The following SLC39A8 variants were observed in gnomAD, a reference collection of about 807,000 sequenced individuals.
SLC39A8 encodes the protein metal cation symporter ZIP8.
A neutral mutation model predicts 40.4 loss-of-function variants in SLC39A8; 15 were observed. The observed-to-expected ratio is 0.37, with a 90% confidence interval of 0.25 to 0.57. The LOEUF (loss-of-function observed/expected upper bound fraction) is 0.57, where lower values mean the gene tolerates loss of function less well. Ranked by LOEUF, SLC39A8 falls within the 20% of genes least tolerant of loss-of-function variation. The probability of loss-of-function intolerance (pLI) is 0.75; values close to 1 mark genes in which losing one functional copy is unlikely to be tolerated. For missense variants in SLC39A8, 472 were observed against 558.8 expected (o/e 0.84, Z 1.57); for synonymous variants, 223 against 221.6 (o/e 1.01, Z -0.06).
At position 102,279,002 on chromosome 4, in the gene SLC39A8, G is replaced by A. The variant is rs572676156; in HGVS notation, c.841-10923C>T. On this transcript the variant is annotated intron_variant, in intron 6 of 8. Transcript: ENST00000356736. Reference sequence around the variant, plus strand: ...ACACACTGGGGCCTGTTAGTGGGGTGGGGGGCAAGGGGAGGGATAGCATTA... The same window carrying A: ...ACACACTGGGGCCTGTTAGTGGGGTAGGGGGCAAGGGGAGGGATAGCATTA... 4.6e-5 allele frequency among the ~76,000 whole-genome samples: 7 copies of A among 152,084 alleles called. No homozygotes were observed. The South Asian group carries it at 1.5e-3, about 32-fold the overall frequency.
At chr4:102,256,873 A>G (rs1206485690), downstream of SLC39A8, among the ~76,000 whole-genome samples, 1 of 152,168 alleles carries the variant, frequency 6.6e-6, no homozygotes, top group Admixed American at 6.5e-5. Context: ...CAAACATGCA[A>G]GTGGGGTGCA....
chr4:102,314,586 C>T (rs1734579649), intron 3 of SLC39A8, among the ~76,000 whole-genome samples: 1 of 152,062 alleles, frequency 6.6e-6, no homozygotes, highest in South Asian at 2.1e-4. Flanking sequence ...TCTTGCTGCT[C>T]CTCACTCATG....
At chr4:102,279,002 G>C (rs572676156) in intron 6 of SLC39A8, among the ~76,000 whole-genome samples, 3 of 151,966 alleles carry the variant, frequency 2.0e-5, no homozygotes, top group East Asian at 3.9e-4. Flanking sequence ...TTAGTGGGGT[G>C]GGGGGCAAGG....
At chr4:102,328,595 T>C (rs1052646395) in intron 2 of SLC39A8, among the ~76,000 whole-genome samples, 1 of 152,256 alleles carries the variant, frequency 6.6e-6, no homozygotes, top group East Asian at 1.9e-4. Context: ...ATTTCATTCA[T>C]TCAACAAATA....
downstream of SLC39A8, among the ~76,000 whole-genome samples, chr4:102,260,365 G>A: frequency 6.6e-6 from 1 of 152,184 alleles, no homozygotes; most frequent in South Asian, 2.1e-4. Flanking sequence ...GATTGGTATG[G>A]CCATGTGACT....
intron 3 of SLC39A8, among the ~76,000 whole-genome samples, chr4:102,310,402 AG>A (rs1276313070): frequency 6.6e-6 from 1 of 152,164 alleles, no homozygotes; most frequent in East Asian, 1.9e-4. Context: ...CTCAATGAGA[AG>A]GGCTATGTTT....
intron 8 of SLC39A8, 84 bp from the exon 9 acceptor site, chr4:102,263,277 C>T: frequency 8.1e-7 from 1 of 1,227,028 alleles, no homozygotes; most frequent in South Asian, 1.3e-5. Context: ...ACCTTGGAGA[C>T]AGTGTGGGTT....
chr4:102,320,211 ATATGTATATATG>A (rs1560560914), intron 2 of SLC39A8, among the ~76,000 whole-genome samples: 1 of 130,886 alleles, frequency 7.6e-6, no homozygotes, highest in Non-Finnish European at 1.6e-5. Flanking sequence ...ATGTATATAT[ATATGTATATATG>A]TATGAGTATA....
At chr4:102,269,004 C>G (rs1732231877) in intron 6 of SLC39A8, among the ~76,000 whole-genome samples, 1 of 152,180 alleles carries the variant, frequency 6.6e-6, no homozygotes, top group Non-Finnish European at 1.5e-5. Context: ...CCTCTCACCT[C>G]TACCTAAGCA....
chr4:102,275,443 A>G (rs1227550262), intron 6 of SLC39A8, among the ~76,000 whole-genome samples: 2 of 152,148 alleles, frequency 1.3e-5, no homozygotes, highest in Admixed American at 6.5e-5. Flanking sequence ...TATACTAAAT[A>G]TATATATGCA....
intron 3 of SLC39A8, among the ~76,000 whole-genome samples, chr4:102,309,527 T>C (rs919094860): frequency 6.6e-6 from 1 of 152,006 alleles, no homozygotes; most frequent in African/African-American, 2.4e-5. Flanking sequence ...CCTTTTATCG[T>C]GGTAGATCTA....
intron 2 of SLC39A8, among the ~76,000 whole-genome samples, chr4:102,327,097 C>T (rs1056586198): frequency 2.0e-5 from 3 of 152,002 alleles, no homozygotes; most frequent in Non-Finnish European, 4.4e-5. Flanking sequence ...GCTTGAATGA[C>T]AAAAATAATT....
intron 6 of SLC39A8, among the ~76,000 whole-genome samples, chr4:102,280,703 C>G (rs1251124411): frequency 6.6e-6 from 1 of 152,172 alleles, no homozygotes; most frequent in South Asian, 2.1e-4. Flanking sequence ...AATGCACTTA[C>G]CTTCCAGTCA....
rs1731882043 is a variant in SLC39A8 at position 102,261,983 on chromosome 4, T to A, written c.*1061A>T. 2.0e-6 allele frequency: 2 copies of A among 985,852 alleles called. No homozygotes were observed. The highest frequency in any genetic ancestry group is 2.4e-6 in the Non-Finnish European group (2 of 829,862). 61.1% of individuals were successfully genotyped at this position (985,852 alleles called of 1,614,324 possible). On this transcript the variant is annotated 3_prime_UTR_variant, in exon 9 of 9. Coordinates refer to ENST00000356736, the MANE Select transcript of SLC39A8 (RefSeq NM_001135146.2). ...ATAAAAGGTAGAAAAATAACCATGGTGTGCTAATTTTTTTCAAGGTATACC... is the reference window on the plus strand; with the variant it reads ...ATAAAAGGTAGAAAAATAACCATGGAGTGCTAATTTTTTTCAAGGTATACC...
Position 102,344,773 on chromosome 4 carries a change from C to T in SLC39A8, c.-111G>A, listed in dbSNP as rs1291015640. 5.3e-6 allele frequency: 7 copies of T among 1,329,396 alleles called. No homozygotes were observed. In the South Asian group the frequency reaches 1.2e-4, roughly 23 times the overall value. 82.4% of individuals were successfully genotyped at this position (1,329,396 alleles called of 1,614,324 possible). ...GCGGGAGCGTCAGTGCTCGGCGCTG[C>T]TCCGAGTCAGAGGTGGCGCGGGACG... On this transcript the variant is annotated 5_prime_UTR_variant, in exon 2 of 9. Coordinates refer to ENST00000356736, the MANE Select transcript of SLC39A8 (RefSeq NM_001135146.2).
chr4:102,283,309 A>G (rs181824724), intron 6 of SLC39A8, among the ~76,000 whole-genome samples: 1 of 152,342 alleles, frequency 6.6e-6, no homozygotes, highest in East Asian at 1.9e-4. Context: ...TGCCCAGACT[A>G]TTTGACTCCT....
intron 6 of SLC39A8, among the ~76,000 whole-genome samples, chr4:102,302,382 G>A (rs137930065): frequency 1.2e-3 from 175 of 152,016 alleles, no homozygotes; most frequent in African/African-American, 3.6e-3. Context: ...CTATAATCCA[G>A]TATTTGCCAA....
In SLC39A8 at chr4:102,344,537, G is replaced by T. The variant is rs1402518466; in HGVS notation, c.126C>A (p.Ser42Arg). The T allele has an allele frequency of 1.9e-6, 3 of 1,558,484 alleles. No homozygotes were observed. Among genetic ancestry groups the T allele is most frequent in the Non-Finnish European group, 2.6e-6 (3 of 1,151,256 alleles). Residue 42 changes from serine to arginine, a missense_variant, in exon 2 of 9, where the codon AGC becomes AGA. Ser to Arg is a moderately radical substitution (Grantham distance 110, BLOSUM62 -1). Transcript: ENST00000356736. ...AGTGCTGGAGCTGCGCCGCCGACAG[G>T]CTCAGATTCGCGCCGAACACGCTCA... is the stretch of plus-strand genomic sequence containing the variant. ...DVLSVFGANL[S>R]LSAAQLQHLL...
In SLC39A8 at chr4:102,318,804, A is replaced by G. The variant is rs138907864; in HGVS notation, c.220-2974T>C. ...ACGGAATGCTATCTGCCTTAATAAAACTCCATGTGCTTTCGCCAGCTCCTT... is the reference window on the plus strand; with the variant it reads ...ACGGAATGCTATCTGCCTTAATAAAGCTCCATGTGCTTTCGCCAGCTCCTT... On this transcript the variant is annotated intron_variant, in intron 2 of 8. Transcript: ENST00000356736. 2.0e-3 allele frequency among the ~76,000 whole-genome samples: 302 copies of G among 152,002 alleles called. 2 individuals carry two copies. Among genetic ancestry groups the G allele is most frequent in the African/African-American group, 7.1e-3 (294 of 41,436 alleles).
Sources: allele counts gnomAD v4.1 joint callset (sites outside exome capture counted in the v4.1 genomes callset), GRCh38; gene constraint gnomAD v4.1.1; transcripts MANE v1.5; gene names NCBI Gene and HGNC (gene_info 2026-07-23, HGNC 2026-07-21).